Variants in IKZF3 observed in about 807,000 individuals in gnomAD.
IKZF3 encodes the protein IKAROS family zinc finger 3.
In IKZF3, 10 loss-of-function variants were observed where a neutral mutation model predicts 49.0. The ratio of observed to expected loss-of-function variants is 0.20; its 90% CI spans 0.13 to 0.35. The LOEUF (loss-of-function observed/expected upper bound fraction) is 0.35, where lower values mean the gene tolerates loss of function less well. Ranked by LOEUF, IKZF3 falls within the 10% of genes least tolerant of loss-of-function variation. The pLI is 1.00. For missense variants in IKZF3, 498 were observed against 664.8 expected, an observed-to-expected ratio of 0.75 and a Z score of 2.76; for synonymous variants, 209 against 228.2, an observed-to-expected ratio of 0.92 and a Z score of 0.76.
In IKZF3 at chr17:39,834,837, G is replaced by C. The variant is rs550718483; in HGVS notation, c.8-2686C>G. 7.2e-5 allele frequency among the ~76,000 whole-genome samples: 11 copies of C among 152,338 alleles called. No homozygotes were observed. The South Asian group carries it at 2.3e-3, about 32-fold the overall frequency. ...CAGGCAGTAAACTCCCCATGGGTGGGCTGAGGGTTAGGGCTGAGCCTCAGG... is the reference window on the plus strand; with the variant it reads ...CAGGCAGTAAACTCCCCATGGGTGGCCTGAGGGTTAGGGCTGAGCCTCAGG... On this transcript the variant is annotated intron_variant, in intron 1 of 7. Coordinates refer to ENST00000346872, the MANE Select transcript of IKZF3 (RefSeq NM_012481.5).
chr17:39,796,226 T>A (rs1014622938), intron 3 of IKZF3, among the ~76,000 whole-genome samples: 1 of 152,094 alleles, frequency 6.6e-6, no homozygotes, highest in African/African-American at 2.4e-5. Flanking sequence ...AAAAGGGGTG[T>A]TCTACTTAGA....
intron 1 of IKZF3, among the ~76,000 whole-genome samples, chr17:39,844,396 C>T (rs1287004490): frequency 6.6e-6 from 1 of 152,160 alleles, no homozygotes; most frequent in East Asian, 1.9e-4. Context: ...AAGGCCTTTG[C>T]ATTTACCCTT....
intron 7 of IKZF3, among the ~76,000 whole-genome samples, chr17:39,772,011 G>A (rs899253292): frequency 6.6e-6 from 1 of 151,844 alleles, no homozygotes; most frequent in African/African-American, 2.4e-5. Context: ...GTCTCCTAAA[G>A]TGCTGGGATT....
chr17:39,820,728 T>C (rs1453724829), intron 3 of IKZF3, among the ~76,000 whole-genome samples: 2 of 152,214 alleles, frequency 1.3e-5, no homozygotes, highest in African/African-American at 2.4e-5. Context: ...CCTTAGATTA[T>C]GCTAACGAGG....
intron 3 of IKZF3, among the ~76,000 whole-genome samples, chr17:39,793,789 A>G (rs1180116124): frequency 6.6e-6 from 1 of 152,214 alleles, no homozygotes; most frequent in Non-Finnish European, 1.5e-5. Context: ...TGCAATGTAA[A>G]TGAATGAAAT....
rs1051827096 is a variant in IKZF3, at chr17:39,763,559, A to C, written c.*2231T>G. ...CCAATTTGTGTGTATGCTTTGTGGC[A>C]AGATCAAAATACCTTTCTGTTTTTT... On this transcript the variant is annotated 3_prime_UTR_variant, in exon 8 of 8. Coordinates refer to ENST00000346872, the MANE Select transcript of IKZF3 (RefSeq NM_012481.5). 1 of 152,046 alleles carries C rather than the reference A, an allele frequency of 6.6e-6. No homozygotes were observed. Among genetic ancestry groups the C allele is most frequent in the African/African-American group, 2.4e-5 (1 of 41,420 alleles). 9.4% of individuals were successfully genotyped at this position (152,046 alleles called of 1,614,324 possible).
rs2143554032 is a variant in IKZF3, at chr17:39,765,477, A to G, written c.*313T>C. ...ATATATCTCAGAAAGAATGTTTCAT[A>G]TAGCACATCTCCGGGACCACTCATT... On this transcript the variant is annotated 3_prime_UTR_variant, in exon 8 of 8. Coordinates refer to ENST00000346872, the MANE Select transcript of IKZF3 (RefSeq NM_012481.5). 1 of 236,402 alleles carries G rather than the reference A, an allele frequency of 4.2e-6. No individual in the cohort carries two copies. The highest frequency in any genetic ancestry group is 2.2e-5 in the African/African-American group (1 of 44,540). The allele number at this position is 236,402 out of a possible 1,614,324, so 14.6% of individuals were successfully genotyped here.
At chr17:39,795,117 G>A (rs1207789591) in intron 3 of IKZF3, among the ~76,000 whole-genome samples, 1 of 152,218 alleles carries the variant, frequency 6.6e-6, no homozygotes, top group African/African-American at 2.4e-5. Context: ...GGACATAAGA[G>A]AGCTGCTCCT....
chr17:39,769,337 A>G (rs2060377281), intron 7 of IKZF3, among the ~76,000 whole-genome samples: 1 of 152,196 alleles, frequency 6.6e-6, no homozygotes, highest in Non-Finnish European at 1.5e-5. Context: ...TAAAAGATCT[A>G]TTCCCATGAG....
At chr17:39,769,932 AC>A (rs1259557774) in intron 7 of IKZF3, among the ~76,000 whole-genome samples, 1 of 152,070 alleles carries the variant, frequency 6.6e-6, no homozygotes, top group East Asian at 1.9e-4. Context: ...AGGAAGATAA[AC>A]CCCTGGATGA....
At chr17:39,832,442 C>A (rs1044333944) in intron 1 of IKZF3, among the ~76,000 whole-genome samples, 2 of 151,382 alleles carry the variant, frequency 1.3e-5, no homozygotes, top group Non-Finnish European at 2.9e-5. Context: ...ATTCTTTATT[C>A]TTCCCCAATA....
rs1343090438 is a variant in IKZF3, at chr17:39,762,811, C to G, written c.*2979G>C. On this transcript the variant is annotated 3_prime_UTR_variant, in exon 8 of 8. Transcript: ENST00000346872. ...CTGAGGCAGGAGAATTGCTTGAACC[C>G]GGGAGGCGGAGGTTGCCGTGAGCCG... 1 of 152,438 alleles carries G rather than the reference C, an allele frequency of 6.6e-6. No homozygotes were observed. Among genetic ancestry groups the G allele is most frequent in the African/African-American group, 2.4e-5 (1 of 41,414 alleles). 9.4% of individuals were successfully genotyped at this position (152,438 alleles called of 1,614,324 possible). A position where few individuals can be genotyped will look rare whatever the true frequency, so the allele number is the denominator to read the frequency against.
intron 1 of IKZF3, among the ~76,000 whole-genome samples, chr17:39,838,875 C>T (rs905358076): frequency 1.3e-5 from 2 of 152,008 alleles, no homozygotes; most frequent in Non-Finnish European, 2.9e-5. Context: ...GCTCTGTGGC[C>T]CAGGCTTGAG....
intron 1 of IKZF3, among the ~76,000 whole-genome samples, chr17:39,849,204 C>T (rs1235174094): frequency 6.6e-6 from 1 of 151,432 alleles, no homozygotes; most frequent in Admixed American, 6.6e-5. Context: ...GAGGCCAAGG[C>T]AGACAAACCA....
chr17:39,861,021 T>A (rs1405261899), intron 1 of IKZF3, among the ~76,000 whole-genome samples: 1 of 152,154 alleles, frequency 6.6e-6, no homozygotes, highest in Non-Finnish European at 1.5e-5. Context: ...TCTCCTACTT[T>A]AAAAATTTAT....
intron 3 of IKZF3, among the ~76,000 whole-genome samples, chr17:39,808,991 G>A (rs1328259144): frequency 6.6e-6 from 1 of 152,170 alleles, no homozygotes; most frequent in Non-Finnish European, 1.5e-5. Flanking sequence ...ATTACTTAAG[G>A]AGTAAGAAAG....
At chr17:39,841,779 T>A (rs958366751) in intron 1 of IKZF3, among the ~76,000 whole-genome samples, 1 of 152,100 alleles carries the variant, frequency 6.6e-6, no homozygotes, top group African/African-American at 2.4e-5. Flanking sequence ...GCGAGGTGAC[T>A]CATGCCTGTA....
At chr17:39,767,524 T>C (rs1023246152) in intron 7 of IKZF3, among the ~76,000 whole-genome samples, 1 of 152,130 alleles carries the variant, frequency 6.6e-6, no homozygotes. Context: ...CTCCATTCTG[T>C]CAGCTTGGAT....
intron 2 of IKZF3, among the ~76,000 whole-genome samples, chr17:39,831,710 G>A (rs2062113407): frequency 1.3e-5 from 2 of 152,148 alleles, no homozygotes; most frequent in South Asian, 4.1e-4. Context: ...GGCCTGCAAA[G>A]TCTAAATATT....
Sources: gnomAD v4.1 joint callset for allele counts (sites outside exome capture counted in the v4.1 genomes callset) on GRCh38, gnomAD v4.1.1 for gene constraint, MANE v1.5 for transcripts, NCBI Gene and HGNC (gene_info 2026-07-23, HGNC 2026-07-21) for gene names.